The following CNNM2 variants were observed in gnomAD, a reference collection of about 807,000 sequenced individuals.
CNNM2 encodes the protein cyclin and CBS domain divalent metal cation transport mediator 2, also known as metal transporter CNNM2.
CNNM2 carries 12 observed loss-of-function variants against 66.9 expected under a neutral mutation model. The observed-to-expected ratio is 0.18, with a 90% CI of 0.11 to 0.29. The LOEUF is 0.29. Ranked by LOEUF, CNNM2 falls within the 10% of genes least tolerant of loss-of-function variation. CNNM2 has a pLI of 1.00. For missense variants in CNNM2, 705 were observed against 1,167.7 expected, an observed-to-expected ratio of 0.60 and a Z score of 5.77; for synonymous variants, 557 against 501.8, an observed-to-expected ratio of 1.11 and a Z score of -1.47.
intron 1 of CNNM2, among the ~76,000 whole-genome samples, chr10:103,032,007 C>A (rs922735595): frequency 5.9e-5 from 9 of 152,214 alleles, no homozygotes; most frequent in African/African-American, 2.2e-4. Flanking sequence ...CCACTGCAAG[C>A]CTGCGTGAAC....
Position 102,918,884 on chromosome 10 carries a change from T to TG in CNNM2, c.410dup (p.Ala139ArgfsTer272). ...CGCCACAGCCCGGGGGAGCGCGGGC[T>TG]GGGGGGCCCCGCGCCGCCAGAGCCG... On this transcript the variant is annotated frameshift_variant, in exon 1 of 8. Transcript: ENST00000369878. LOFTEE classifies it high-confidence loss of function. This position sits in a 1 kb window ranked among gnomAD's most constrained non-coding sequence, Gnocchi z 4.1. 1 of 1,608,730 alleles carries TG rather than the reference T, an allele frequency of 6.2e-7. No individual in the cohort carries two copies. The highest frequency in any genetic ancestry group is 8.5e-7 in the Non-Finnish European group (1 of 1,177,674).
intron 1 of CNNM2, among the ~76,000 whole-genome samples, chr10:102,983,384 G>T (rs923722735): frequency 6.8e-6 from 1 of 147,914 alleles, no homozygotes; most frequent in African/African-American, 2.5e-5. Context: ...TTTTTAGGTC[G>T]GGCGTGGTGG....
chr10:102,966,907 G>A (rs2063472710), intron 1 of CNNM2, among the ~76,000 whole-genome samples: 1 of 152,120 alleles, frequency 6.6e-6, no homozygotes, highest in South Asian at 2.1e-4. Flanking sequence ...GAAGTTTCTA[G>A]GAGGAGGTAC....
intron 2 of CNNM2, among the ~76,000 whole-genome samples, chr10:103,051,949 G>A (rs1026353326): frequency 1.2e-4 from 19 of 152,016 alleles, no homozygotes; most frequent in Admixed American, 5.9e-4. Flanking sequence ...GTACGTTTAC[G>A]TTCTTTTCAT....
intron 1 of CNNM2, chr10:102,927,441 G>C (rs1845909218): frequency 6.2e-7 from 1 of 1,611,108 alleles, no homozygotes; most frequent in African/African-American, 1.3e-5. Context: ...GGCAACTCTA[G>C]GATGTCTATA....
intron 1 of CNNM2, among the ~76,000 whole-genome samples, chr10:103,028,642 G>A (rs1365833181): frequency 6.6e-6 from 1 of 151,956 alleles, no homozygotes; most frequent in African/African-American, 2.4e-5. Context: ...TCTGGGAAAT[G>A]GTTGCTAAAA....
At position 103,089,089 on chromosome 10, in the gene CNNM2, G is replaced by T. The variant is rs1054097663; in HGVS notation, c.*11909G>T. On this transcript the variant is annotated 3_prime_UTR_variant, in exon 8 of 8. Transcript: ENST00000369878. ...AGAATCCTGCCCTAAAGCAACGCAA[G>T]TAGAGCATACTTCTGTGCAAAGCCA... 8.9e-6 allele frequency: 2 copies of T among 225,668 alleles called. No individual in the cohort carries two copies. The highest frequency in any genetic ancestry group is 3.6e-4 in the South Asian group (2 of 5,488). 14.0% of individuals were successfully genotyped at this position (225,668 alleles called of 1,614,324 possible).
chr10:103,044,166 A>G (rs2065089973), intron 1 of CNNM2, among the ~76,000 whole-genome samples: 1 of 152,116 alleles, frequency 6.6e-6, no homozygotes, highest in African/African-American at 2.4e-5. Flanking sequence ...TCAGTTTATC[A>G]TCTTTTTAAG....
Position 103,056,787 on chromosome 10 carries a change from A to G in CNNM2, c.1904-8A>G. On this transcript the variant is annotated splice_region_variant and splice_polypyrimidine_tract_variant and intron_variant, in intron 3 of 7. Coordinates refer to ENST00000369878, the MANE Select transcript of CNNM2 (RefSeq NM_017649.5). The stretch of plus-strand genomic sequence containing the variant: ...AAATGTAATATCAAGTTGTGTTTAT[A>G]TCTATAGAAGTAGAAGCATTTAGCC... 1 of 1,613,216 alleles carries G rather than the reference A, an allele frequency of 6.2e-7. No individual in the cohort carries two copies. Among genetic ancestry groups the G allele is most frequent in the Non-Finnish European group, 8.5e-7 (1 of 1,179,214 alleles).
At chr10:103,073,831 C>T (rs1441867511) in intron 6 of CNNM2, among the ~76,000 whole-genome samples, 3 of 140,710 alleles carry the variant, frequency 2.1e-5, no homozygotes, top group Admixed American at 1.5e-4. Flanking sequence ...CACTGCAGTC[C>T]GCAGTCTGGC....
chr10:102,976,781 C>G (rs146473054), intron 1 of CNNM2, among the ~76,000 whole-genome samples: 36 of 151,802 alleles, frequency 2.4e-4, no homozygotes, highest in African/African-American at 8.7e-4. Context: ...CCACTACTTT[C>G]TAATTGGTTG....
At chr10:102,967,775 G>A (rs1316572839) in intron 1 of CNNM2, among the ~76,000 whole-genome samples, 4 of 152,222 alleles carry the variant, frequency 2.6e-5, no homozygotes, top group Admixed American at 1.3e-4. Flanking sequence ...TTGGGGGGCC[G>A]AGGCGGGCGG....
chr10:102,949,012 T>C (rs1193007810), intron 1 of CNNM2, among the ~76,000 whole-genome samples: 1 of 152,246 alleles, frequency 6.6e-6, no homozygotes, highest in Non-Finnish European at 1.5e-5. Context: ...CTCTCTTTTA[T>C]GGCACTCTGC....
chr10:102,919,196 A>T lies in CNNM2; in HGVS notation c.716A>T (p.Glu239Val). Residue 239 changes from glutamate (E) to valine (V), a missense_variant, in exon 1 of 8, where the codon GAG (glutamate) becomes GTG (valine). Transcript: ENST00000369878. ...AETTWIYHDG[E>V]DTKMIVGEEK... ...ACCACCTGGATTTACCACGACGGCG[A>T]GGACACCAAGATGATCGTAGGCGAA... is the stretch of plus-strand genomic sequence containing the variant. The T allele has an allele frequency of 6.2e-7, 1 of 1,612,460 alleles. No homozygotes were observed. The highest frequency in any genetic ancestry group is 8.5e-7 in the Non-Finnish European group (1 of 1,180,010).
intron 1 of CNNM2, among the ~76,000 whole-genome samples, chr10:103,025,561 G>T (rs2064685631): frequency 6.6e-6 from 1 of 152,234 alleles, no homozygotes; most frequent in Non-Finnish European, 1.5e-5. Flanking sequence ...GGCATTGGAA[G>T]ATGGTGTTGC....
At chr10:102,996,941 G>A (rs1393264418) in intron 1 of CNNM2, among the ~76,000 whole-genome samples, 5 of 152,060 alleles carry the variant, frequency 3.3e-5, no homozygotes, top group Non-Finnish European at 5.9e-5. Flanking sequence ...TCCTCCTAGA[G>A]CACATTGTTT....
At chr10:103,074,036 C>T (rs1339948530) in intron 6 of CNNM2, among the ~76,000 whole-genome samples, 1 of 152,028 alleles carries the variant, frequency 6.6e-6, no homozygotes, top group African/African-American at 2.4e-5. Context: ...ACCTGTAATC[C>T]CAGCACTTTG....
chr10:102,929,851 G>A (rs1248788095), intron 1 of CNNM2, among the ~76,000 whole-genome samples: 1 of 152,050 alleles, frequency 6.6e-6, no homozygotes, highest in African/African-American at 2.4e-5. Flanking sequence ...AGACTTTTAA[G>A]ACTAAAGGAA....
At chr10:103,073,801 G>A (rs2065639745) in intron 6 of CNNM2, among the ~76,000 whole-genome samples, 1 of 142,378 alleles carries the variant, frequency 7.0e-6, no homozygotes, top group Non-Finnish European at 1.5e-5. Flanking sequence ...AGCGGAACTT[G>A]CAGTGAGCCG....
Sources: allele counts gnomAD v4.1 joint callset (sites outside exome capture counted in the v4.1 genomes callset), GRCh38; gene constraint gnomAD v4.1.1; non-coding constraint Gnocchi (gnomAD v3.1); transcripts MANE v1.5; gene names NCBI Gene and HGNC (gene_info 2026-07-23, HGNC 2026-07-21).